Variants in ADAMTS12 observed in about 807,000 individuals in gnomAD.
ADAMTS12 encodes the protein ADAM metallopeptidase with thrombospondin type 1 motif 12.
In ADAMTS12, 118 loss-of-function variants were observed where a neutral mutation model predicts 167.8. The observed-to-expected ratio is 0.70, with a 90% confidence interval of 0.61 to 0.82. ADAMTS12 has a LOEUF of 0.82. ADAMTS12 is among the 40% of genes least tolerant of loss of function. The probability of loss-of-function intolerance (pLI) is 0.00; values close to 1 mark genes in which losing one functional copy is unlikely to be tolerated. For synonymous variants in ADAMTS12, 704 were observed against 716.9 expected (o/e 0.98, Z 0.29); for missense variants, 1,916 against 1,998.8 (o/e 0.96, Z 0.79).
At chr5:33,830,975 T>G (rs1748276078) in intron 2 of ADAMTS12, among the ~76,000 whole-genome samples, 1 of 152,194 alleles carries the variant, frequency 6.6e-6, no homozygotes, top group Non-Finnish European at 1.5e-5. Context: ...GATTTGATGC[T>G]TTTGGTTCCT....
intron 2 of ADAMTS12, among the ~76,000 whole-genome samples, chr5:33,829,224 C>T (rs537236071): frequency 8.5e-5 from 13 of 152,238 alleles, no homozygotes; most frequent in African/African-American, 2.2e-4. Flanking sequence ...CCCAAGCTGG[C>T]GTTCCTGAAT....
intron 14 of ADAMTS12, 78 bp from the exon 15 acceptor site, chr5:33,616,150 A>T: frequency 3.2e-6 from 5 of 1,547,058 alleles, no homozygotes; most frequent in Non-Finnish European, 4.4e-6. Flanking sequence ...ACCCACTGTT[A>T]ATCCTCTTTC....
chr5:33,695,372 A>C (rs1031672032), intron 3 of ADAMTS12, among the ~76,000 whole-genome samples: 1 of 152,220 alleles, frequency 6.6e-6, no homozygotes, highest in African/African-American at 2.4e-5. Flanking sequence ...TCTTTTTTAA[A>C]GAGAGAGGGG....
chr5:33,680,854 C>T (rs971234118), intron 5 of ADAMTS12, among the ~76,000 whole-genome samples: 6 of 152,088 alleles, frequency 3.9e-5, no homozygotes, highest in South Asian at 4.2e-4. Flanking sequence ...AAATTAGGTA[C>T]CAATTTTTAT....
intron 21 of ADAMTS12, among the ~76,000 whole-genome samples, chr5:33,546,656 C>T (rs943561538): frequency 2.0e-5 from 3 of 152,122 alleles, no homozygotes; most frequent in African/African-American, 4.8e-5. Context: ...GATGGATTTG[C>T]TCAGGACTCA....
chr5:33,594,036 T>C (rs1166592936), intron 17 of ADAMTS12, among the ~76,000 whole-genome samples: 1 of 152,210 alleles, frequency 6.6e-6, no homozygotes, highest in Non-Finnish European at 1.5e-5. Context: ...AAATTGGCCA[T>C]TGATATGGCT....
chr5:33,571,097 T>C (rs991800437), intron 19 of ADAMTS12, among the ~76,000 whole-genome samples: 1 of 152,096 alleles, frequency 6.6e-6, no homozygotes, highest in African/African-American at 2.4e-5. Context: ...TTCATAAAGC[T>C]AGCCCTGAGT....
intron 18 of ADAMTS12, among the ~76,000 whole-genome samples, chr5:33,579,846 T>C (rs1487088037): frequency 6.6e-6 from 1 of 152,238 alleles, no homozygotes; most frequent in African/African-American, 2.4e-5. Flanking sequence ...ATAATGATGC[T>C]GATAATAATA....
At chr5:33,616,443 GCTA>G (rs552892604) in intron 14 of ADAMTS12, among the ~76,000 whole-genome samples, 78 of 152,212 alleles carry the variant, frequency 5.1e-4, no homozygotes, top group African/African-American at 1.8e-3. Context: ...CCCCTTTGTT[GCTA>G]CTATTACATT....
chr5:33,542,754 T>C (rs1016036068), intron 22 of ADAMTS12, among the ~76,000 whole-genome samples: 3 of 152,222 alleles, frequency 2.0e-5, no homozygotes, highest in Non-Finnish European at 4.4e-5. Context: ...AACTTGCTCC[T>C]GAATGACTAC....
At chr5:33,669,532 C>T (rs10461926) in intron 5 of ADAMTS12, among the ~76,000 whole-genome samples, 145,080 of 152,230 alleles carry the variant, frequency 0.95, 69,521 homozygotes, top group Non-Finnish European at 1. Flanking sequence ...CATTTGTTTT[C>T]GGAATACATC....
chr5:33,528,562 A>G (rs1394632403), intron 23 of ADAMTS12, among the ~76,000 whole-genome samples: 1 of 152,252 alleles, frequency 6.6e-6, no homozygotes, highest in Admixed American at 6.5e-5. Flanking sequence ...CAGTGCTACT[A>G]GCAGACAAGT....
At chr5:33,763,845 G>T (rs948135664) in intron 2 of ADAMTS12, among the ~76,000 whole-genome samples, 1 of 152,182 alleles carries the variant, frequency 6.6e-6, no homozygotes, top group African/African-American at 2.4e-5. Flanking sequence ...GGAATGGAGA[G>T]CTTGGGCTTT....
chr5:33,815,068 A>G (rs1747597371), intron 2 of ADAMTS12, among the ~76,000 whole-genome samples: 1 of 152,212 alleles, frequency 6.6e-6, no homozygotes, highest in African/African-American at 2.4e-5. Context: ...TTGTTGTTAA[A>G]TATGGAAGAA....
intron 6 of ADAMTS12, among the ~76,000 whole-genome samples, chr5:33,658,753 C>A (rs1383678511): frequency 2.6e-5 from 4 of 152,238 alleles, no homozygotes; most frequent in Admixed American, 2.6e-4. Flanking sequence ...GTTCAAAACT[C>A]ATCTAAGAAC....
intron 14 of ADAMTS12, among the ~76,000 whole-genome samples, chr5:33,617,576 T>C (rs2112102943): frequency 6.6e-6 from 1 of 152,326 alleles, no homozygotes; most frequent in East Asian, 1.9e-4. Flanking sequence ...TTAAAACCAC[T>C]AATGTATGAC....
intron 2 of ADAMTS12, among the ~76,000 whole-genome samples, chr5:33,761,242 C>G (rs1248919288): frequency 6.6e-6 from 1 of 152,218 alleles, no homozygotes; most frequent in Non-Finnish European, 1.5e-5. Flanking sequence ...GAACATGGCC[C>G]TGGGCCTTCT....
chr5:33,751,105 AT>A, intron 3 of ADAMTS12: 1 of 459,388 alleles, frequency 2.2e-6, no homozygotes, highest in Admixed American at 3.8e-5. Flanking sequence ...TTTAAAAAAA[AT>A]TCATTGTAAA....
intron 2 of ADAMTS12, among the ~76,000 whole-genome samples, chr5:33,778,692 C>T (rs1746006023): frequency 6.6e-6 from 1 of 151,934 alleles, no homozygotes; most frequent in Non-Finnish European, 1.5e-5. Flanking sequence ...AGCTGAAAAG[C>T]TTCTGCACAG....
Sources: allele counts gnomAD v4.1 joint callset (sites outside exome capture counted in the v4.1 genomes callset), GRCh38; gene constraint gnomAD v4.1.1; transcripts MANE v1.5; gene names NCBI Gene and HGNC (gene_info 2026-07-23, HGNC 2026-07-21).